The following MMP21 variants were observed in gnomAD, a reference collection of about 807,000 sequenced individuals.
MMP21 encodes the protein matrix metallopeptidase 21, also known as matrix metalloproteinase-21.
MMP21 carries 40 observed loss-of-function variants against 47.8 expected under a neutral mutation model. The observed-to-expected ratio is 0.84, with a 90% confidence interval of 0.65 to 1.09. The LOEUF (loss-of-function observed/expected upper bound fraction) is 1.09. Among genes scored for constraint, MMP21 ranks in the 50% least tolerant of loss-of-function variants. MMP21 has a pLI of 0.00. For missense variants in MMP21, 747 were observed against 775.3 expected, an observed-to-expected ratio of 0.96 and a Z score of 0.43; for synonymous variants, 341 against 318.0, an observed-to-expected ratio of 1.07 and a Z score of -0.77.
chr10:125,770,263 G>T, intron 5 of MMP21, 71 bp downstream of exon 5: 1 of 1,490,896 alleles, frequency 6.7e-7, no homozygotes, highest in Non-Finnish European at 9.2e-7. Context: ...TCCTTGGTAG[G>T]GGCTCAAGAC....
chr10:125,774,111 T>C lies in MMP21; in HGVS notation c.417A>G (p.Arg139=). Reference sequence around the variant, plus strand: ...CCCGCGGGGAGCGCCTGGAGCGGGCTCTGGGGGGCGGGCCCGGGGGCGAAG... The same window carrying C: ...CCCGCGGGGAGCGCCTGGAGCGGGCCCTGGGGGGCGGGCCCGGGGGCGAAG... ...APPSPPGPPP[R]ARSRRSPRAP... Residue 139 remains arginine, a synonymous_variant, in exon 2 of 7, where the codon AGA becomes AGG. Transcript: ENST00000368808. The C allele has an allele frequency of 7.6e-7, 1 of 1,324,214 alleles. No individual in the cohort carries two copies. Among genetic ancestry groups the C allele is most frequent in the Non-Finnish European group, 9.6e-7 (1 of 1,043,642 alleles). 82.0% of individuals were successfully genotyped at this position (1,324,214 alleles called of 1,614,324 possible).
At position 125,766,710 on chromosome 10, in the gene MMP21, C is replaced by T. The variant is rs781234870; in HGVS notation, c.1662G>A (p.Glu554=). 2.5e-5 allele frequency: 40 copies of T among 1,613,358 alleles called. 1 individual carries two copies. In the South Asian group the frequency reaches 3.9e-4, roughly 16 times the overall value. Residue 554 remains glutamate (E), a synonymous_variant, in exon 7 of 7, where the codon GAG becomes GAA. Coordinates refer to ENST00000368808, the MANE Select transcript of MMP21 (RefSeq NM_147191.1). ...GGACGTCACAAACATCAAACCACTT[C>T]TCTGAAATAAACTTTTTTGGAAATA... ...NGLFPKKFIS[E]KWFDVCDVHI...
intron 5 of MMP21, among the ~76,000 whole-genome samples, chr10:125,769,440 C>T (rs532069801): frequency 1.3e-5 from 2 of 152,236 alleles, no homozygotes; most frequent in African/African-American, 2.4e-5. Context: ...GACCTCATCC[C>T]GGGTAAGTCT....
rs770119541 is a variant in MMP21, at chr10:125,772,789, G to A, written c.698-39C>T. ...GGAGGAGTTGGTCCCGGTGAAGGAT[G>A]AGTGCCCCCCATACAGACTCCTCAC... On this transcript the variant is annotated intron_variant, in intron 2 of 6. Transcript: ENST00000368808. This position sits in a 1 kb window ranked among gnomAD's most constrained non-coding sequence, Gnocchi z 5.6. 1.9e-6 allele frequency: 3 copies of A among 1,605,244 alleles called. No individual in the cohort carries two copies. Among genetic ancestry groups the A allele is most frequent in the Non-Finnish European group, 2.5e-6 (3 of 1,176,612 alleles).
intron 5 of MMP21, among the ~76,000 whole-genome samples, chr10:125,769,319 C>A (rs894354179): frequency 6.6e-6 from 1 of 152,206 alleles, no homozygotes; most frequent in African/African-American, 2.4e-5. Context: ...AAACACTGAC[C>A]TTCCATGTTG....
chr10:125,775,097 C>T (rs1850503003), intron 1 of MMP21, among the ~76,000 whole-genome samples: 1 of 152,180 alleles, frequency 6.6e-6, no homozygotes, highest in African/African-American at 2.4e-5. Flanking sequence ...GACCAAAGGA[C>T]CACGTGCCAG....
chr10:125,772,209 C>T lies in MMP21; in HGVS notation c.979+9G>A. Reference sequence around the variant, plus strand: ...GCTAGCTCAGGGATGCCCTCCGCAGCAGTCTTACCATACAGCTTTTGAATT... The same window carrying T: ...GCTAGCTCAGGGATGCCCTCCGCAGTAGTCTTACCATACAGCTTTTGAATT... On this transcript the variant is annotated intron_variant, in intron 4 of 6. Transcript: ENST00000368808. This position sits in a 1 kb window ranked among gnomAD's most constrained non-coding sequence, Gnocchi z 5.6. 2.5e-6 allele frequency: 4 copies of T among 1,614,088 alleles called. No individual in the cohort carries two copies. The highest frequency in any genetic ancestry group is 3.4e-6 in the Non-Finnish European group (4 of 1,179,960).
At chr10:125,769,177 A>G (rs956355945) in intron 5 of MMP21, among the ~76,000 whole-genome samples, 25 of 152,146 alleles carry the variant, frequency 1.6e-4, no homozygotes, top group Non-Finnish European at 2.9e-4. Flanking sequence ...TGCCTCGTGC[A>G]CCGGGTCCAG....
rs769499631 is a variant in MMP21, at chr10:125,772,722, G to A, written c.726C>T (p.Phe242=). The A allele has an allele frequency of 1.1e-5, 18 of 1,613,948 alleles. No individual in the cohort carries two copies. Among genetic ancestry groups the A allele is most frequent in the Non-Finnish European group, 1.3e-5 (15 of 1,180,022 alleles). The change falls in exon 3 of 7, where the codon TTC becomes TTT. Residue 242 remains phenylalanine (F), a synonymous_variant. Coordinates refer to ENST00000368808, the MANE Select transcript of MMP21 (RefSeq NM_147191.1). The surrounding 1 kb of genome is among the most constrained non-coding windows in gnomAD (Gnocchi z 5.6). The part of the protein sequence containing the change: ...RGRHLGCPRA[F]DGSGQEFAHA... ...GTGCAAACTCCTGCCCGCTCCCATC[G>A]AAGGCCCGCGGACAGCCCAGGTGCC...
chr10:125,775,497 T>C (rs929257344), intron 1 of MMP21, among the ~76,000 whole-genome samples, 163 bp downstream of exon 1: 7 of 152,218 alleles, frequency 4.6e-5, no homozygotes, highest in African/African-American at 1.2e-4. Flanking sequence ...GTTGTTCCAA[T>C]AGGAGCCACA....
rs1850489201 is a variant in MMP21 at position 125,774,187 on chromosome 10, C to CG, written c.340dup (p.Arg114ProfsTer144). 7.8e-7 allele frequency: 1 copy of CG among 1,277,184 alleles called. No homozygotes were observed. The highest frequency in any genetic ancestry group is 1.6e-5 in the African/African-American group (1 of 63,784). The allele number at this position is 1,277,184 out of a possible 1,614,324, so 79.1% of individuals were successfully genotyped here. A position where few individuals can be genotyped will look rare whatever the true frequency, so the allele number is the denominator to read the frequency against. ...CATGTCCGGGACCCCGCAGCGCGGCCGGTTCATGGCCGCTAGGGTGGCCGC... is the reference window on the plus strand; with the variant it reads ...CATGTCCGGGACCCCGCAGCGCGGCCGGGTTCATGGCCGCTAGGGTGGCCGC... On this transcript the variant is annotated frameshift_variant, in exon 2 of 7. Transcript: ENST00000368808. LOFTEE classifies it high-confidence loss of function.
chr10:125,774,236 G>T lies in MMP21; in HGVS notation c.292C>A (p.Leu98Met). The T allele has an allele frequency of 7.1e-7, 1 of 1,401,698 alleles. No individual in the cohort carries two copies. The highest frequency in any genetic ancestry group is 9.2e-7 in the Non-Finnish European group (1 of 1,081,138). The allele number at this position is 1,401,698 out of a possible 1,614,324, so 86.8% of individuals were successfully genotyped here. The change falls in exon 2 of 7, where the codon CTG becomes ATG. Residue 98 changes from leucine to methionine, a missense_variant. Physicochemically the swap from Leu to Met is conservative, Grantham distance 15. Coordinates refer to ENST00000368808, the MANE Select transcript of MMP21 (RefSeq NM_147191.1). ...AVRRFQRANALPASGELDAAT... is the reference protein window; with the variant it reads ...AVRRFQRANAMPASGELDAAT... ...GCGTCCAGCTCCCCGCTGGCCGGCA[G>T]CGCGTTCGCCCGCTGGAACCTGCGC...
chr10:125,769,623 C>T (rs1165281661), intron 5 of MMP21, among the ~76,000 whole-genome samples: 4 of 152,192 alleles, frequency 2.6e-5, no homozygotes, highest in Non-Finnish European at 4.4e-5. Flanking sequence ...GTCTAGGCCA[C>T]GACCTGATTC....
chr10:125,774,355 G>A lies in MMP21; in HGVS notation c.173C>T (p.Ser58Phe). Residue 58 changes from serine to phenylalanine, a missense_variant, in exon 2 of 7, where the codon TCC becomes TTC. Transcript: ENST00000368808. ...ADLHAAQRFL[S>F]RYGWSGVWAA... ...CCACACCCCTGACCAGCCGTATCTGGACAGGAACCGCTGTGGGAGAGAAAG... is the reference window on the plus strand; with the variant it reads ...CCACACCCCTGACCAGCCGTATCTGAACAGGAACCGCTGTGGGAGAGAAAG... The A allele has an allele frequency of 4.4e-6, 6 of 1,367,384 alleles. No individual in the cohort carries two copies. Among genetic ancestry groups the A allele is most frequent in the Non-Finnish European group, 4.7e-6 (5 of 1,064,120 alleles). 84.7% of individuals were successfully genotyped at this position (1,367,384 alleles called of 1,614,324 possible). A position where few individuals can be genotyped will look rare whatever the true frequency, so the allele number is the denominator to read the frequency against.
Position 125,770,527 on chromosome 10 carries a change from T to C in MMP21, c.1044A>G (p.Gly348=), listed in dbSNP as rs777159889. ...DWIRKERNQY[G]EVMVRFSTYF... is the part of the protein sequence containing the mutation. Reference sequence around the variant, plus strand: ...ATGTGCTAAATCTCACCATCACCTCTCCATATTGGTTTCTCTCTTTGCGAA... The same window carrying C: ...ATGTGCTAAATCTCACCATCACCTCCCCATATTGGTTTCTCTCTTTGCGAA... The change falls in exon 5 of 7, where the codon GGA becomes GGG. Residue 348 remains glycine, a synonymous_variant. Transcript: ENST00000368808. 4 of 1,613,964 alleles carry C rather than the reference T, an allele frequency of 2.5e-6. No homozygotes were observed. In the East Asian group the frequency reaches 6.7e-5, roughly 27 times the overall value.
At position 125,774,120 on chromosome 10, in the gene MMP21, C is replaced by G; in HGVS notation, c.408G>C (p.Pro136=). ...PPSAPPSPPG[P]PPRARSRRSP... is the part of the protein sequence containing the mutation. ...AGCGCCTGGAGCGGGCTCTGGGGGGCGGGCCCGGGGGCGAAGGCGGGGCGG... is the reference window on the plus strand; with the variant it reads ...AGCGCCTGGAGCGGGCTCTGGGGGGGGGGCCCGGGGGCGAAGGCGGGGCGG... Residue 136 remains proline, a synonymous_variant, in exon 2 of 7, where the codon CCG becomes CCC. Coordinates refer to ENST00000368808, the MANE Select transcript of MMP21 (RefSeq NM_147191.1). 7.6e-7 allele frequency: 1 copy of G among 1,308,906 alleles called. No homozygotes were observed. The highest frequency in any genetic ancestry group is 9.7e-7 in the Non-Finnish European group (1 of 1,034,132). 81.1% of individuals were successfully genotyped at this position (1,308,906 alleles called of 1,614,324 possible).
intron 5 of MMP21, 70 bp downstream of exon 5, chr10:125,770,264 G>A (rs191317268): frequency 8.7e-6 from 13 of 1,495,500 alleles, no homozygotes; most frequent in African/African-American, 1.4e-5. Context: ...CCTTGGTAGG[G>A]GCTCAAGACA....
chr10:125,769,176 C>T (rs772501450), intron 5 of MMP21, among the ~76,000 whole-genome samples: 7 of 152,152 alleles, frequency 4.6e-5, no homozygotes, highest in Non-Finnish European at 8.8e-5. Flanking sequence ...GTGCCTCGTG[C>T]ACCGGGTCCA....
intron 1 of MMP21, among the ~76,000 whole-genome samples, chr10:125,775,288 T>C (rs1165853755): frequency 6.6e-6 from 1 of 152,234 alleles, no homozygotes; most frequent in Non-Finnish European, 1.5e-5. Context: ...CTTGCAGGGC[T>C]GTCCCCTTCT....
Sources: allele counts gnomAD v4.1 joint callset (sites outside exome capture counted in the v4.1 genomes callset), GRCh38; gene constraint gnomAD v4.1.1; non-coding constraint Gnocchi (gnomAD v3.1); transcripts MANE v1.5; gene names NCBI Gene and HGNC (gene_info 2026-07-23, HGNC 2026-07-21).